Variants in CACNA1C observed in about 807,000 individuals in gnomAD.
CACNA1C encodes the protein voltage-dependent L-type calcium channel subunit alpha-1C.
A neutral mutation model predicts 229.0 loss-of-function variants in CACNA1C; 30 were observed. The observed-to-expected ratio is 0.13, with a 90% CI of 0.10 to 0.18. CACNA1C has a LOEUF of 0.18. CACNA1C is among the 10% of genes least tolerant of loss of function. CACNA1C has a pLI of 1.00. For missense variants in CACNA1C, 1,658 were observed against 2,845.0 expected, an observed-to-expected ratio of 0.58 and a Z score of 9.49; for synonymous variants, 1,114 against 1,132.5, an observed-to-expected ratio of 0.98 and a Z score of 0.33.
In CACNA1C at chr12:2,396,140, G is replaced by A. The variant is rs561653548; in HGVS notation, c.478-52836G>A. ...TGTCTTTTGTACAGTCTCAGCCCCTGGGTCTGACACTCTGATGGTCTTTTA... is the reference window on the plus strand; with the variant it reads ...TGTCTTTTGTACAGTCTCAGCCCCTAGGTCTGACACTCTGATGGTCTTTTA... On this transcript the variant is annotated intron_variant, in intron 3 of 46. Coordinates refer to ENST00000399655, the MANE Select transcript of CACNA1C (RefSeq NM_000719.7). 5.9e-5 allele frequency among the ~76,000 whole-genome samples: 9 copies of A among 152,206 alleles called. No homozygotes were observed. In the East Asian group the frequency reaches 1.7e-3, roughly 30 times the overall value.
At chr12:2,465,819 A>G (rs1359948740) in intron 5 of CACNA1C, among the ~76,000 whole-genome samples, 2 of 152,148 alleles carry the variant, frequency 1.3e-5, no homozygotes, top group African/African-American at 4.8e-5. Context: ...GGTCAGAGCC[A>G]TACCGAAGCT....
chr12:2,394,947 T>A (rs1400116561), intron 3 of CACNA1C, among the ~76,000 whole-genome samples: 5 of 152,238 alleles, frequency 3.3e-5, no homozygotes, highest in African/African-American at 9.6e-5. Flanking sequence ...TCAACTTGTC[T>A]AAGTTTTTGT....
At chr12:2,533,558 G>T (rs1403546852) in intron 9 of CACNA1C, among the ~76,000 whole-genome samples, 1 of 152,178 alleles carries the variant, frequency 6.6e-6, no homozygotes, top group Non-Finnish European at 1.5e-5. Flanking sequence ...TTCCCTCCCT[G>T]GGGCATTCCC....
At chr12:2,556,907 C>A in intron 10 of CACNA1C, 44 bp from the exon 11 acceptor site, 1 of 1,566,812 alleles carries the variant, frequency 6.4e-7, no homozygotes, top group Non-Finnish European at 8.8e-7. Context: ...TTTAAATGCA[C>A]GTGTGTGTCC....
intron 6 of CACNA1C, among the ~76,000 whole-genome samples, chr12:2,490,356 G>T (rs184375439): frequency 3.3e-5 from 5 of 152,340 alleles, no homozygotes; most frequent in African/African-American, 1.2e-4. Context: ...AGAGTGCAGG[G>T]AATGCTGTCA....
chr12:2,560,834 G>A (rs1218270984), intron 11 of CACNA1C, among the ~76,000 whole-genome samples: 1 of 88,860 alleles, frequency 1.1e-5, no homozygotes, highest in African/African-American at 4.4e-5. Context: ...TGTGGTGTTT[G>A]TTGTTGGTTC....
intron 3 of CACNA1C, among the ~76,000 whole-genome samples, chr12:2,408,878 T>C (rs2098770681): frequency 6.6e-6 from 1 of 152,238 alleles, no homozygotes; most frequent in Non-Finnish European, 1.5e-5. Context: ...CATTGATATT[T>C]CTAGACATTT....
chr12:2,654,392 G>A lies in CACNA1C; in HGVS notation c.4140+492G>A, dbSNP rs973956552. 1.3e-5 allele frequency among the ~76,000 whole-genome samples: 2 copies of A among 152,164 alleles called. No homozygotes were observed. The highest frequency in any genetic ancestry group is 2.9e-5 in the Non-Finnish European group (2 of 68,034). ...GGGCCAAATCAACACAAGGTTCACCGCATCAAATGTGCAGCAGTTTTCTGG... is the reference window on the plus strand; with the variant it reads ...GGGCCAAATCAACACAAGGTTCACCACATCAAATGTGCAGCAGTTTTCTGG... On this transcript the variant is annotated intron_variant, in intron 33 of 46. Coordinates refer to ENST00000399655, the MANE Select transcript of CACNA1C (RefSeq NM_000719.7). The surrounding 1 kb of genome is among the most constrained non-coding windows in gnomAD (Gnocchi z 4.4).
rs190092764 is a variant in CACNA1C, at chr12:2,108,870, G to C, written c.50-6354G>C. Among the ~76,000 whole-genome samples, 349 of 152,320 alleles carry C rather than the reference G, an allele frequency of 2.3e-3. 5 individuals are homozygous for C. The highest frequency in any genetic ancestry group is 8.0e-3 in the African/African-American group (333 of 41,564). On this transcript the variant is annotated intron_variant, in intron 1 of 46. Coordinates refer to ENST00000399655, the MANE Select transcript of CACNA1C (RefSeq NM_000719.7). The surrounding 1 kb of genome is among the most constrained non-coding windows in gnomAD (Gnocchi z 5.3). ...TGGAGAAAGTCCGGTTTCTGTTCCA[G>C]GTTGTCTGCGATACTCTTAAAGGGA...
At chr12:2,357,864 A>G (rs2097425256) in intron 3 of CACNA1C, among the ~76,000 whole-genome samples, 1 of 151,232 alleles carries the variant, frequency 6.6e-6, no homozygotes, top group South Asian at 2.1e-4. Flanking sequence ...CCAGCTACTC[A>G]GGAGCCTGAG....
intron 1 of CACNA1C, among the ~76,000 whole-genome samples, chr12:2,074,137 G>T (rs932830632): frequency 1.9e-5 from 2 of 106,828 alleles, no homozygotes; most frequent in Admixed American, 9.0e-5. Flanking sequence ...AAAAAAATCA[G>T]TTGAAGTATG....
intron 9 of CACNA1C, among the ~76,000 whole-genome samples, chr12:2,541,184 C>T (rs1048101831): frequency 2.0e-5 from 3 of 152,280 alleles, no homozygotes; most frequent in South Asian, 2.1e-4. Flanking sequence ...TGGCTACGCT[C>T]AGAGGTATGC....
intron 3 of CACNA1C, among the ~76,000 whole-genome samples, chr12:2,279,732 A>C (rs376234097): frequency 2.6e-4 from 40 of 152,388 alleles, no homozygotes; most frequent in African/African-American, 9.6e-4. Flanking sequence ...AAAAATAAAA[A>C]ATATAACAAA....
chr12:2,674,664 G>C (rs775798309), intron 39 of CACNA1C, 22 bp downstream of exon 39: 1 of 1,540,312 alleles, frequency 6.5e-7, no homozygotes, highest in Non-Finnish European at 8.8e-7. Flanking sequence ...CTGGACTCCC[G>C]CACCTTGGCC....
At chr12:2,242,775 C>G (rs2071115085) in intron 3 of CACNA1C, among the ~76,000 whole-genome samples, 1 of 152,228 alleles carries the variant, frequency 6.6e-6, no homozygotes, top group African/African-American at 2.4e-5. Flanking sequence ...TAAATGAGAG[C>G]AATAATATTT....
At chr12:2,101,170 T>C (rs2076279400) in intron 1 of CACNA1C, among the ~76,000 whole-genome samples, 1 of 152,204 alleles carries the variant, frequency 6.6e-6, no homozygotes, top group African/African-American at 2.4e-5. Context: ...TGGATGTGCA[T>C]TGATTTCTCT....
intron 3 of CACNA1C, among the ~76,000 whole-genome samples, chr12:2,247,657 A>G (rs922334970): frequency 2.6e-5 from 4 of 152,160 alleles, no homozygotes; most frequent in Non-Finnish European, 5.9e-5. Flanking sequence ...CGATGGCAAG[A>G]TTTTGCAAAG....
chr12:2,647,735 C>G lies in CACNA1C; in HGVS notation c.3913-740C>G, dbSNP rs1204212792. On this transcript the variant is annotated intron_variant, in intron 30 of 46. Transcript: ENST00000399655. The surrounding 1 kb of genome is among the most constrained non-coding windows in gnomAD (Gnocchi z 4.2). ...TGTGGGCAAGGATAGGCTCTGGGGTCAGCAAGGCCTCTGTCCTTCAGCTGG... is the reference window on the plus strand; with the variant it reads ...TGTGGGCAAGGATAGGCTCTGGGGTGAGCAAGGCCTCTGTCCTTCAGCTGG... 6.6e-6 allele frequency among the ~76,000 whole-genome samples: 1 copy of G among 152,172 alleles called. No individual in the cohort carries two copies. The highest frequency in any genetic ancestry group is 1.5e-5 in the Non-Finnish European group (1 of 68,034).
chr12:2,091,406 G>A (rs2070893117), intron 1 of CACNA1C, among the ~76,000 whole-genome samples: 2 of 152,192 alleles, frequency 1.3e-5, no homozygotes, highest in South Asian at 4.1e-4. Flanking sequence ...TTGAAGGTCA[G>A]ATGTCTAAAA....
Sources: gnomAD v4.1 joint callset for allele counts (sites outside exome capture counted in the v4.1 genomes callset) on GRCh38, gnomAD v4.1.1 for gene constraint, Gnocchi (gnomAD v3.1) non-coding constraint, MANE v1.5 for transcripts, NCBI Gene and HGNC (gene_info 2026-07-23, HGNC 2026-07-21) for gene names.